Variants in MYH1 observed in about 807,000 individuals in gnomAD.
MYH1 encodes myosin-1.
Under a neutral mutation model 225.6 loss-of-function variants are expected in MYH1, and 214 were observed. The ratio of observed to expected loss-of-function variants is 0.95; its 90% confidence interval spans 0.85 to 1.06. The LOEUF is 1.06. MYH1 is among the 50% of genes least tolerant of loss of function. The pLI is 0.00. For missense variants in MYH1, 2,098 were observed against 2,344.2 expected (o/e 0.89, Z 2.17); for synonymous variants, 774 against 842.3 (o/e 0.92, Z 1.40).
Position 10,502,738 on chromosome 17 carries a change from A to G in MYH1, c.3111T>C (p.Asp1037=), listed in dbSNP as rs1205285527. ...CATTTTTATATAATGTTAGGCTTAC[A>G]TCATCCACTTGTTGTTCAAGTTTGA... ...AKIKLEQQVD[D]LEGSLEQEKK... Residue 1037 remains aspartate (D), a splice_region_variant and synonymous_variant, in exon 24 of 40, where the codon GAT becomes GAC. Coordinates refer to ENST00000226207, the MANE Select transcript of MYH1 (RefSeq NM_005963.4). 6 of 1,614,082 alleles carry G rather than the reference A, an allele frequency of 3.7e-6. No homozygotes were observed. The highest frequency in any genetic ancestry group is 5.1e-6 in the Non-Finnish European group (6 of 1,180,046).
At chr17:10,495,446 T>C in intron 35 of MYH1, 129 bp from the exon 36 acceptor site, 30 of 1,303,820 alleles carry the variant, frequency 2.3e-5, no homozygotes, top group Non-Finnish European at 3.1e-5. Flanking sequence ...TCATAAATTA[T>C]CTGAGTTGAC....
chr17:10,505,129 A>G, intron 21 of MYH1, 34 bp downstream of exon 21: 1 of 1,613,596 alleles, frequency 6.2e-7, no homozygotes, highest in Non-Finnish European at 8.5e-7. Context: ...AACACCTAAG[A>G]TGATGAGGTT....
Position 10,498,966 on chromosome 17 carries a change from G to C in MYH1, c.3984+8C>G, listed in dbSNP as rs752171850. On this transcript the variant is annotated splice_region_variant and intron_variant, in intron 29 of 39. Coordinates refer to ENST00000226207, the MANE Select transcript of MYH1 (RefSeq NM_005963.4). ...ACAATAATGACAAGAATGACAAGTG[G>C]AGCTTACCTTTATCTCCTCTTCAAG... 5.3e-5 allele frequency: 85 copies of C among 1,607,432 alleles called. No homozygotes were observed. The highest frequency in any genetic ancestry group is 7.1e-5 in the Non-Finnish European group (83 of 1,174,912).
chr17:10,498,791 G>A lies in MYH1; in HGVS notation c.4016C>T (p.Ser1339Phe), dbSNP rs754378877. ...AKSALAHALQ[S>F]SRHDCDLLRE... ...CAGCAGGTCACAGTCATGGCGGGAG[G>A]ACTGCAGGGCATGTGCCAGGGCACT... Residue 1339 changes from serine to phenylalanine, a missense_variant, in exon 30 of 40, where the codon TCC (serine) becomes TTC (phenylalanine). Coordinates refer to ENST00000226207, the MANE Select transcript of MYH1 (RefSeq NM_005963.4). The A allele has an allele frequency of 6.2e-7, 1 of 1,614,224 alleles. No homozygotes were observed. Among genetic ancestry groups the A allele is most frequent in the South Asian group, 1.1e-5 (1 of 91,082 alleles).
chr17:10,504,949 T>C lies in MYH1; in HGVS notation c.2552A>G (p.Lys851Arg). Residue 851 changes from lysine to arginine, a missense_variant, in exon 22 of 40, where the codon AAG becomes AGG. Coordinates refer to ENST00000226207, the MANE Select transcript of MYH1 (RefSeq NM_005963.4). Reference protein sequence around the residue: ...KPLLKSAETEKEMANMKEEFE... With the variant: ...KPLLKSAETEREMANMKEEFE... Reference sequence around the variant, plus strand: ...TTCTTCCTTCATGTTGGCCATCTCCTTCTCTGTCTCTGCACTTTTGAGGAG... The same window carrying C: ...TTCTTCCTTCATGTTGGCCATCTCCCTCTCTGTCTCTGCACTTTTGAGGAG... 1 of 1,614,176 alleles carries C rather than the reference T, an allele frequency of 6.2e-7. No homozygotes were observed. Among genetic ancestry groups the C allele is most frequent in the Non-Finnish European group, 8.5e-7 (1 of 1,180,038 alleles).
chr17:10,517,325 C>CT (rs1168528102), intron 2 of MYH1, among the ~76,000 whole-genome samples: 1 of 152,170 alleles, frequency 6.6e-6, no homozygotes, highest in African/African-American at 2.4e-5. Context: ...AAAAAATGTT[C>CT]TGTTATCCAT....
At chr17:10,511,725 G>A (rs2073171399) in intron 14 of MYH1, 114 bp downstream of exon 14, 1 of 1,527,824 alleles carries the variant, frequency 6.5e-7, no homozygotes, top group Non-Finnish European at 9.0e-7. Context: ...TAAGTTTAAA[G>A]TGCAGCTATT....
At position 10,494,984 on chromosome 17, in the gene MYH1, C is replaced by T. The variant is rs1161808958; in HGVS notation, c.5413G>A (p.Glu1805Lys). The T allele has an allele frequency of 1.2e-6, 2 of 1,614,110 alleles. No homozygotes were observed. Among genetic ancestry groups the T allele is most frequent in the African/African-American group, 2.7e-5 (2 of 74,934 alleles). Residue 1805 changes from glutamate to lysine, a missense_variant, in exon 37 of 40, where the codon GAG becomes AAG. Physicochemically the swap from Glu to Lys is moderately conservative, Grantham distance 56. Coordinates refer to ENST00000226207, the MANE Select transcript of MYH1 (RefSeq NM_005963.4). Reference protein sequence around the residue: ...KDLQHRLDEAEQLALKGGKKQ... With the variant: ...KDLQHRLDEAKQLALKGGKKQ... Reference sequence around the variant, plus strand: ...TTCCCACCCTTCAGGGCCAGCTGCTCAGCCTCATCCAGACGATGCTGCAGG... The same window carrying T: ...TTCCCACCCTTCAGGGCCAGCTGCTTAGCCTCATCCAGACGATGCTGCAGG...
chr17:10,499,119 C>T (rs2073027900), intron 28 of MYH1, 27 bp from the exon 29 acceptor site: 1 of 1,568,234 alleles, frequency 6.4e-7, no homozygotes. Flanking sequence ...CCAGAAAACT[C>T]AACCTTACTT....
chr17:10,505,055 A>G lies in MYH1; in HGVS notation c.2446T>C (p.Phe816Leu). 2 of 1,614,186 alleles carry G rather than the reference A, an allele frequency of 1.2e-6. No homozygotes were observed. The highest frequency in any genetic ancestry group is 1.7e-6 in the Non-Finnish European group (2 of 1,180,012). The change falls in exon 22 of 40, where the codon TTC becomes CTC. Residue 816 changes from phenylalanine (F) to leucine (L), a missense_variant. By Grantham distance (22) the Phe-to-Leu change is conservative. Coordinates refer to ENST00000226207, the MANE Select transcript of MYH1 (RefSeq NM_005963.4). Reference sequence around the variant, plus strand: ...GCACGGACATTGTACTGGATGCAGAAGATGGACTCTCTGTCATAGGAACAG... The same window carrying G: ...GCACGGACATTGTACTGGATGCAGAGGATGGACTCTCTGTCATAGGAACAG... Reference protein sequence around the residue: ...QKMVERRESIFCIQYNVRAFM... With the variant: ...QKMVERRESILCIQYNVRAFM...
intron 23 of MYH1, 26 bp from the exon 24 acceptor site, chr17:10,502,940 G>A: frequency 6.2e-7 from 1 of 1,614,132 alleles, no homozygotes; most frequent in South Asian, 1.1e-5. Flanking sequence ...AAGCAGCTTA[G>A]TTGCTCTAAA....
At chr17:10,510,895 TTAAA>T (rs1475835124) in intron 14 of MYH1, among the ~76,000 whole-genome samples, 2 of 151,994 alleles carry the variant, frequency 1.3e-5, no homozygotes, top group Non-Finnish European at 2.9e-5. Context: ...ATTTTATACT[TTAAA>T]TAGGTGAATT....
rs375424180 is a variant in MYH1 at position 10,496,225 on chromosome 17, T to G, written c.4965+16A>C. 2.5e-6 allele frequency: 4 copies of G among 1,614,088 alleles called. No homozygotes were observed. In the African/African-American group the frequency reaches 5.3e-5, roughly 22 times the overall value. On this transcript the variant is annotated intron_variant, in intron 34 of 39. Transcript: ENST00000226207. ...GCACCCCAATTGTCCTGGGATCATC[T>G]GTTGGACATATTTACCTTGAGGATG...
chr17:10,493,242 A>G (rs889744158), intron 39 of MYH1, among the ~76,000 whole-genome samples: 1 of 152,178 alleles, frequency 6.6e-6, no homozygotes, highest in African/African-American at 2.4e-5. Flanking sequence ...ACAGATGAGG[A>G]AAGTAGGAAC....
At chr17:10,507,795 T>C (rs931288622) in intron 17 of MYH1, 91 bp downstream of exon 17, 46 of 1,076,762 alleles carry the variant, frequency 4.3e-5, no homozygotes, top group African/African-American at 7.8e-5. Flanking sequence ...ACATCAGTTC[T>C]AGAATCCTTG....
chr17:10,501,489 T>C lies in MYH1; in HGVS notation c.3359A>G (p.Glu1120Gly), dbSNP rs777001761. ...TGCCTCGATTTCCTCCTCCAGCTCCTCAATGCGGGCCTGGGAATGGTGAAA... is the reference window on the plus strand; with the variant it reads ...TGCCTCGATTTCCTCCTCCAGCTCCCCAATGCGGGCCTGGGAATGGTGAAA... ...KKIKELQARI[E>G]ELEEEIEAER... The change falls in exon 27 of 40, where the codon GAG becomes GGG. Residue 1120 changes from glutamate (E) to glycine (G), a missense_variant. Coordinates refer to ENST00000226207, the MANE Select transcript of MYH1 (RefSeq NM_005963.4). 64 of 1,614,088 alleles carry C rather than the reference T, an allele frequency of 4.0e-5. No individual in the cohort carries two copies. Among genetic ancestry groups the C allele is most frequent in the Non-Finnish European group, 5.3e-5 (63 of 1,180,046 alleles).
In MYH1 at chr17:10,504,934, A is replaced by G. The variant is rs1567718839; in HGVS notation, c.2567T>C (p.Met856Thr). The change falls in exon 22 of 40, where the codon ATG becomes ACG. Residue 856 changes from methionine (M) to threonine (T), a missense_variant. Coordinates refer to ENST00000226207, the MANE Select transcript of MYH1 (RefSeq NM_005963.4). ...TTTGGTTTTCTCAAATTCTTCCTTC[A>G]TGTTGGCCATCTCCTTCTCTGTCTC... ...SAETEKEMAN[M>T]KEEFEKTKEE... The G allele has an allele frequency of 6.2e-7, 1 of 1,613,756 alleles. No individual in the cohort carries two copies. The highest frequency in any genetic ancestry group is 1.1e-5 in the South Asian group (1 of 91,062).
chr17:10,514,482 A>G (rs983993502), intron 6 of MYH1, among the ~76,000 whole-genome samples: 1 of 152,194 alleles, frequency 6.6e-6, no homozygotes, highest in African/African-American at 2.4e-5. Flanking sequence ...GACTAGAGAC[A>G]TGGCTCAAGT....
chr17:10,511,818 A>G, intron 14 of MYH1, 21 bp downstream of exon 14: 1 of 1,614,018 alleles, frequency 6.2e-7, no homozygotes, highest in Middle Eastern at 1.7e-4. Flanking sequence ...CTTTTTTGGT[A>G]CAATTTTTCT....
Sources: allele counts gnomAD v4.1 joint callset (sites outside exome capture counted in the v4.1 genomes callset), GRCh38; gene constraint gnomAD v4.1.1; transcripts MANE v1.5; gene names NCBI Gene and HGNC (gene_info 2026-07-23, HGNC 2026-07-21).